Variants in STK24 observed in about 807,000 individuals in gnomAD.
STK24 encodes serine/threonine kinase 24.
STK24 carries 21 observed loss-of-function variants against 55.6 expected under a neutral mutation model. The ratio of observed to expected loss-of-function variants is 0.38; its 90% CI spans 0.27 to 0.54. The LOEUF (loss-of-function observed/expected upper bound fraction) is 0.54, where lower values mean the gene tolerates loss of function less well. STK24 is among the 20% of genes least tolerant of loss of function. The probability of loss-of-function intolerance (pLI) is 0.79; values close to 1 mark genes in which losing one functional copy is unlikely to be tolerated. For synonymous variants in STK24, 200 were observed against 215.2 expected (o/e 0.93, Z 0.62); for missense variants, 383 against 538.4 (o/e 0.71, Z 2.86).
At position 98,463,850 on chromosome 13, in the gene STK24, C is replaced by A; in HGVS notation, c.784-14G>T. 1.2e-6 allele frequency: 2 copies of A among 1,609,782 alleles called. No homozygotes were observed. The highest frequency in any genetic ancestry group is 1.7e-6 in the Non-Finnish European group (2 of 1,177,446). ...AGCAGTGGGTCTCTGGAAAAACACA[C>A]CCAACAATTAAAGTATGAGATGAAG... On this transcript the variant is annotated splice_polypyrimidine_tract_variant and intron_variant, in intron 6 of 10. Transcript: ENST00000539966.
chr13:98,508,245 AAGGT>A (rs1895763398), intron 2 of STK24, among the ~76,000 whole-genome samples: 2 of 152,236 alleles, frequency 1.3e-5, no homozygotes, highest in East Asian at 3.8e-4. Flanking sequence ...GAAATCATAT[AAGGT>A]GAAAAACTGA....
intron 1 of STK24, among the ~76,000 whole-genome samples, chr13:98,541,941 T>C (rs1314675185): frequency 6.6e-6 from 1 of 152,226 alleles, no homozygotes; most frequent in African/African-American, 2.4e-5. Flanking sequence ...CAATATTTAG[T>C]TGAGAAAATA....
chr13:98,571,051 A>C (rs1265128337), intron 1 of STK24, among the ~76,000 whole-genome samples: 2 of 152,218 alleles, frequency 1.3e-5, no homozygotes, highest in Non-Finnish European at 2.9e-5. Context: ...AGGAGCTTCC[A>C]CAAGGGCAGC....
intron 2 of STK24, among the ~76,000 whole-genome samples, chr13:98,491,073 C>G (rs749456894): frequency 3.3e-5 from 5 of 152,168 alleles, no homozygotes; most frequent in Non-Finnish European, 5.9e-5. Context: ...CTTTCAGATG[C>G]CAGGCACTGC....
chr13:98,575,599 A>G (rs1446635500), intron 1 of STK24, among the ~76,000 whole-genome samples: 6 of 152,194 alleles, frequency 3.9e-5, no homozygotes, highest in Non-Finnish European at 7.3e-5. Context: ...AGCAGACCCC[A>G]GAGGCAGTCC....
intron 2 of STK24, among the ~76,000 whole-genome samples, chr13:98,484,741 G>A (rs554892361): frequency 6.6e-6 from 1 of 152,106 alleles, no homozygotes; most frequent in Non-Finnish European, 1.5e-5. Flanking sequence ...AGTTTTCTGT[G>A]TCGCCCTGAT....
intron 1 of STK24, among the ~76,000 whole-genome samples, chr13:98,558,648 G>A (rs1436349654): frequency 6.6e-6 from 1 of 152,194 alleles, no homozygotes; most frequent in African/African-American, 2.4e-5. Flanking sequence ...AGACTTTGGA[G>A]TAAAAGGCTT....
chr13:98,483,395 A>AG lies in STK24; in HGVS notation c.274-1075dup, dbSNP rs554225102. Among the ~76,000 whole-genome samples, 76 of 152,004 alleles carry AG rather than the reference A, an allele frequency of 5.0e-4. 2 individuals carry two copies. Among genetic ancestry groups the AG allele is most frequent in the East Asian group, 2.5e-3 (13 of 5,170 alleles). ...TCGGTGGTGGCTTTTGCACACATGG[A>AG]GGAAAAAAAAAGAAGAAACCTTTTT... On this transcript the variant is annotated intron_variant, in intron 2 of 10. Transcript: ENST00000539966.
intron 5 of STK24, among the ~76,000 whole-genome samples, chr13:98,467,422 T>G (rs549041879): frequency 6.6e-6 from 1 of 152,290 alleles, no homozygotes; most frequent in East Asian, 1.9e-4. Context: ...AAAACTGTCA[T>G]TCCATGGTTG....
At chr13:98,546,677 G>T (rs1254706328) in intron 1 of STK24, among the ~76,000 whole-genome samples, 1 of 152,148 alleles carries the variant, frequency 6.6e-6, no homozygotes, top group African/African-American at 2.4e-5. Flanking sequence ...CGCAGGTGGG[G>T]CAGCCCCTAT....
Position 98,448,398 on chromosome 13 carries a change from AT to A in STK24, c.*4774del. The A allele has an allele frequency of 8.9e-7, 1 of 1,119,196 alleles. No homozygotes were observed. Among genetic ancestry groups the A allele is most frequent in the Admixed American group, 1.8e-5 (1 of 56,920 alleles). 69.3% of individuals were successfully genotyped at this position (1,119,196 alleles called of 1,614,324 possible). A position where few individuals can be genotyped will look rare whatever the true frequency, so the allele number is the denominator to read the frequency against. ...TTCTGTATTAATGAAGCCTGGTAAA[AT>A]TAACACCTGTCTGAAAATCAAAAAC... is the stretch of plus-strand genomic sequence containing the variant. On this transcript the variant is annotated 3_prime_UTR_variant, in exon 11 of 11. Transcript: ENST00000539966.
chr13:98,544,980 A>C (rs1896993797), intron 1 of STK24, among the ~76,000 whole-genome samples: 1 of 152,254 alleles, frequency 6.6e-6, no homozygotes, highest in Non-Finnish European at 1.5e-5. Context: ...AAGATGTTCC[A>C]TACCTGAAAA....
intron 1 of STK24, among the ~76,000 whole-genome samples, chr13:98,573,832 C>A (rs1897803386): frequency 6.6e-6 from 1 of 152,178 alleles, no homozygotes; most frequent in Admixed American, 6.5e-5. Flanking sequence ...GTTAAGTCTT[C>A]CTTGGTCTCC....
At position 98,446,750 on chromosome 13, in the gene STK24, G is replaced by C. The variant is rs369210249; in HGVS notation, c.*6423C>G. On this transcript the variant is annotated 3_prime_UTR_variant, in exon 11 of 11. Coordinates refer to ENST00000539966, the MANE Select transcript of STK24 (RefSeq NM_001032296.4). Reference sequence around the variant, plus strand: ...GTCCGAGAACATCCAGAAAGACTACGTGTTCAAGCTGCACTTCAAGTCCCA... The same window carrying C: ...GTCCGAGAACATCCAGAAAGACTACCTGTTCAAGCTGCACTTCAAGTCCCA... 2.5e-6 allele frequency: 4 copies of C among 1,614,160 alleles called. No individual in the cohort carries two copies. The highest frequency in any genetic ancestry group is 2.2e-5 in the East Asian group (1 of 44,870).
intron 1 of STK24, among the ~76,000 whole-genome samples, chr13:98,561,027 T>C (rs1232672644): frequency 6.6e-6 from 1 of 152,220 alleles, no homozygotes; most frequent in East Asian, 1.9e-4. Context: ...TTCTGCTGTC[T>C]TGAGTGAATG....
chr13:98,459,702 G>A (rs867037772), intron 9 of STK24, among the ~76,000 whole-genome samples: 20 of 152,272 alleles, frequency 1.3e-4, no homozygotes, highest in African/African-American at 3.9e-4. Context: ...AAACAGATGC[G>A]TGTGTGGCCC....
Position 98,482,336 on chromosome 13 carries a change from AAAG to A in STK24, c.274-18_274-16del, listed in dbSNP as rs531365918. The A allele has an allele frequency of 1.3e-3, 1,887 of 1,482,746 alleles. 19 individuals carry two copies. The African/African-American group carries it at 0.024, about 19-fold the overall frequency. The allele number at this position is 1,482,746 out of a possible 1,614,324, so 91.8% of individuals were successfully genotyped here. On this transcript the variant is annotated splice_polypyrimidine_tract_variant and intron_variant, in intron 2 of 10. Coordinates refer to ENST00000539966, the MANE Select transcript of STK24 (RefSeq NM_001032296.4). ...AATTTTGTATCCTATAAAACAAAAA[AAAG>A]AAGAGAATCATTTTCAAAATGAATC...
intron 1 of STK24, among the ~76,000 whole-genome samples, chr13:98,567,682 C>G (rs753623873): frequency 2.0e-5 from 3 of 152,166 alleles, no homozygotes; most frequent in Non-Finnish European, 4.4e-5. Flanking sequence ...GCTCCGAGTT[C>G]TTGCCCGCCG....
At chr13:98,515,703 T>C (rs1896033957) in intron 2 of STK24, among the ~76,000 whole-genome samples, 1 of 152,222 alleles carries the variant, frequency 6.6e-6, no homozygotes, top group African/African-American at 2.4e-5. Flanking sequence ...TTCTCTATTG[T>C]TTTAAATCCT....
Sources: allele counts gnomAD v4.1 joint callset (sites outside exome capture counted in the v4.1 genomes callset), GRCh38; gene constraint gnomAD v4.1.1; transcripts MANE v1.5; gene names NCBI Gene and HGNC (gene_info 2026-07-23, HGNC 2026-07-21).